Variants in FXYD5 observed in about 807,000 individuals in gnomAD.
The protein encoded by FXYD5 is FXYD domain containing ion transport regulator 5.
A neutral mutation model predicts 25.7 loss-of-function variants in FXYD5; 21 were observed. The observed-to-expected ratio is 0.82, with a 90% confidence interval of 0.58 to 1.18. The LOEUF is 1.18. FXYD5 is among the 50% of genes most tolerant of loss of function. FXYD5 has a pLI of 0.00. For synonymous variants in FXYD5, 101 were observed against 90.7 expected, an observed-to-expected ratio of 1.11 and a Z score of -0.64; for missense variants, 229 against 227.7, an observed-to-expected ratio of 1.01 and a Z score of -0.04.
chr19:35,158,410 G>C lies in FXYD5; in HGVS notation c.199+10G>C, dbSNP rs768147308. 6.5e-7 allele frequency: 1 copy of C among 1,539,408 alleles called. No homozygotes were observed. Among genetic ancestry groups the C allele is most frequent in the Non-Finnish European group, 9.0e-7 (1 of 1,112,496 alleles). On this transcript the variant is annotated intron_variant, in intron 4 of 8. Coordinates refer to ENST00000392219, the MANE Select transcript of FXYD5 (RefSeq NM_014164.6). ...ACCTGGCCTGCTGATGGTGAGTAGT[G>C]CAGGGGCAGGCGGCGGGGACAGGAC...
Position 35,164,348 on chromosome 19 carries a change from C to T in FXYD5, c.382+103C>T, listed in dbSNP as rs556833704. Reference sequence around the variant, plus strand: ...AGCACAGAATAGTTCTCAGTAAAGACGTGATGGGAAAGTAAATGACTTCAA... The same window carrying T: ...AGCACAGAATAGTTCTCAGTAAAGATGTGATGGGAAAGTAAATGACTTCAA... On this transcript the variant is annotated intron_variant, in intron 6 of 8. Transcript: ENST00000392219. 30 of 1,184,630 alleles carry T rather than the reference C, an allele frequency of 2.5e-5. No individual in the cohort carries two copies. The Admixed American group carries it at 3.4e-4, about 13-fold the overall frequency. 73.4% of individuals were successfully genotyped at this position (1,184,630 alleles called of 1,614,324 possible). A position where few individuals can be genotyped will look rare whatever the true frequency, so the allele number is the denominator to read the frequency against.
intron 6 of FXYD5, 151 bp downstream of exon 6, chr19:35,164,396 G>T (rs1011427931): frequency 2.8e-6 from 2 of 714,522 alleles, no homozygotes. Flanking sequence ...GTGGGCACAT[G>T]ATAAATGTCT....
At chr19:35,158,297 T>A in intron 3 of FXYD5, 47 bp from the exon 4 acceptor site, 1 of 1,342,080 alleles carries the variant, frequency 7.5e-7, no homozygotes, top group Non-Finnish European at 1.1e-6. Flanking sequence ...GCCCACTTCT[T>A]TTTCTCTCTC....
intron 1 of FXYD5, chr19:35,155,346 A>C (rs2065342981): frequency 1.7e-6 from 1 of 590,518 alleles, no homozygotes; most frequent in African/African-American, 1.9e-5. Flanking sequence ...GGGGACCTGC[A>C]GGGGAAGGAA....
chr19:35,160,325 T>C (rs1289843909), intron 4 of FXYD5, among the ~76,000 whole-genome samples: 1 of 152,174 alleles, frequency 6.6e-6, no homozygotes, highest in Non-Finnish European at 1.5e-5. Flanking sequence ...ACACTTGGTA[T>C]ACTGACATTT....
chr19:35,156,383 C>T (rs2065355659), intron 2 of FXYD5, among the ~76,000 whole-genome samples: 1 of 152,176 alleles, frequency 6.6e-6, no homozygotes, highest in South Asian at 2.1e-4. Flanking sequence ...ATTCTGTGCA[C>T]TGGGGAAACA....
Position 35,155,684 on chromosome 19 carries a change from G to A in FXYD5, c.61+73G>A, listed in dbSNP as rs905807781. 6.2e-6 allele frequency: 7 copies of A among 1,136,924 alleles called. No individual in the cohort carries two copies. In the Admixed American group the frequency reaches 1.0e-4, roughly 16 times the overall value. The allele number at this position is 1,136,924 out of a possible 1,614,324, so 70.4% of individuals were successfully genotyped here. On this transcript the variant is annotated intron_variant, in intron 2 of 8. Transcript: ENST00000392219. ...GCCAGCCCCACGTGTGCTGCGGGGT[G>A]GGTGGTTGGCCCGTGTGAACGTTGT...
chr19:35,164,411 A>G (rs1335923794), intron 6 of FXYD5, among the ~76,000 whole-genome samples, 166 bp downstream of exon 6: 1 of 152,242 alleles, frequency 6.6e-6, no homozygotes, highest in Non-Finnish European at 1.5e-5. Flanking sequence ...ATGTCTGAAT[A>G]GATAAGTGAA....
chr19:35,160,651 T>G, intron 4 of FXYD5, 58 bp from the exon 5 acceptor site: 2 of 1,232,410 alleles, frequency 1.6e-6, no homozygotes, highest in Non-Finnish European at 2.4e-6. Context: ...CGGCCCCAAT[T>G]CTCTTTCCCC....
rs930649128 is a variant in FXYD5, at chr19:35,162,668, G to A, written c.293-1488G>A. On this transcript the variant is annotated intron_variant, in intron 5 of 8. Transcript: ENST00000392219. ...CCCTAATTACCTCCCAAAGGCCCTC[G>A]CTCCAAAATACCATCACATGGAATT... Among the ~76,000 whole-genome samples the A allele has an allele frequency of 4.6e-5, 7 of 152,154 alleles. No individual in the cohort carries two copies. In the South Asian group the frequency reaches 6.2e-4, roughly 14 times the overall value.
chr19:35,165,846 T>A (rs898980760), intron 6 of FXYD5, among the ~76,000 whole-genome samples: 1 of 151,968 alleles, frequency 6.6e-6, no homozygotes, highest in African/African-American at 2.4e-5. Context: ...GCCATGCGGA[T>A]GTCTAGGGAA....
chr19:35,157,486 C>A lies in FXYD5; in HGVS notation c.127C>A (p.Pro43Thr). 1.9e-6 allele frequency: 3 copies of A among 1,546,394 alleles called. No homozygotes were observed. Among genetic ancestry groups the A allele is most frequent in the South Asian group, 1.1e-5 (1 of 89,614 alleles). The change falls in exon 3 of 9, where the codon CCG (proline) becomes ACG (threonine). Residue 43 changes from proline to threonine, a missense_variant. Coordinates refer to ENST00000392219, the MANE Select transcript of FXYD5 (RefSeq NM_014164.6). ...CTCAACTATCATGGACATTCAGGTC[C>A]CGACACGAGCCCCAGGTGAGGAAAG... ...ADSTIMDIQV[P>T]TRAPDAVYTE...
At position 35,169,779 on chromosome 19, in the gene FXYD5, T is replaced by C; in HGVS notation, c.*164T>C. ...GGGCTGCCGGTCCGAGTCTCCTACC[T>C]CCCCCAACCCTGCCCGCCCCTGAAG... On this transcript the variant is annotated 3_prime_UTR_variant, in exon 9 of 9. Transcript: ENST00000392219. The C allele has an allele frequency of 1.6e-6, 1 of 622,394 alleles. No individual in the cohort carries two copies. The highest frequency in any genetic ancestry group is 2.9e-6 in the Non-Finnish European group (1 of 346,216). The allele number at this position is 622,394 out of a possible 1,614,324, so 38.6% of individuals were successfully genotyped here. A position where few individuals can be genotyped will look rare whatever the true frequency, so the allele number is the denominator to read the frequency against.
At chr19:35,159,426 T>C in intron 4 of FXYD5, 1 of 1,500,680 alleles carries the variant, frequency 6.7e-7, no homozygotes, top group Non-Finnish European at 8.9e-7. Flanking sequence ...GCTTGCTTTG[T>C]TTCTTCGTGC....
intron 4 of FXYD5, chr19:35,159,666 T>C: frequency 6.5e-7 from 1 of 1,534,952 alleles, no homozygotes; most frequent in South Asian, 1.2e-5. Context: ...GACTATGTGC[T>C]GGTCATGGTT....
intron 5 of FXYD5, among the ~76,000 whole-genome samples, chr19:35,162,319 C>T (rs532953694): frequency 6.6e-6 from 1 of 152,196 alleles, no homozygotes; most frequent in East Asian, 1.9e-4. Flanking sequence ...TTATTTGAGC[C>T]TCCTAGCTCA....
intron 5 of FXYD5, 50 bp downstream of exon 5, chr19:35,160,851 T>G: frequency 3.7e-5 from 41 of 1,111,196 alleles, no homozygotes; most frequent in Non-Finnish European, 5.1e-5. Flanking sequence ...TTTAATTCTC[T>G]ATCTAGGTCA....
intron 2 of FXYD5, among the ~76,000 whole-genome samples, chr19:35,156,655 T>G (rs930810758): frequency 6.6e-6 from 1 of 151,942 alleles, no homozygotes; most frequent in African/African-American, 2.4e-5. Context: ...GTGGGGTGGC[T>G]GGGTTGGGAT....
At chr19:35,165,195 G>C (rs1236351985) in intron 6 of FXYD5, among the ~76,000 whole-genome samples, 1 of 152,198 alleles carries the variant, frequency 6.6e-6, no homozygotes, top group Non-Finnish European at 1.5e-5. Flanking sequence ...AGTTTATTTA[G>C]AAAGTAAAGG....
Sources: allele counts gnomAD v4.1 joint callset (sites outside exome capture counted in the v4.1 genomes callset), GRCh38; gene constraint gnomAD v4.1.1; transcripts MANE v1.5; gene names NCBI Gene and HGNC (gene_info 2026-07-23, HGNC 2026-07-21).